The following SCLT1 variants were observed in gnomAD, a reference collection of about 807,000 sequenced individuals.
The protein encoded by SCLT1 is sodium channel-associated protein 1.
In SCLT1, 78 loss-of-function variants were observed where a neutral mutation model predicts 112.8. That is an observed-to-expected ratio of 0.69 (90% CI 0.58 to 0.83). SCLT1 has a LOEUF of 0.83. Ranked by LOEUF, SCLT1 falls within the 40% of genes least tolerant of loss-of-function variation. The pLI is 0.00. For synonymous variants in SCLT1, 257 were observed against 254.7 expected (o/e 1.01, Z -0.09); for missense variants, 747 against 770.4 (o/e 0.97, Z 0.36).
At chr4:128,920,122 G>C (rs1405323834) in intron 18 of SCLT1, among the ~76,000 whole-genome samples, 1 of 152,090 alleles carries the variant, frequency 6.6e-6, no homozygotes, top group East Asian at 1.9e-4. Flanking sequence ...CAATATTCCT[G>C]ATGATCATAG....
intron 10 of SCLT1, among the ~76,000 whole-genome samples, 176 bp downstream of exon 10, chr4:128,970,202 C>A (rs962946836): frequency 5.3e-5 from 8 of 152,158 alleles, no homozygotes; most frequent in Admixed American, 2.0e-4. Flanking sequence ...ATAAAAAATT[C>A]TTTATAAAGT....
At chr4:128,906,053 T>TA (rs769937606) in intron 18 of SCLT1, among the ~76,000 whole-genome samples, 3 of 152,206 alleles carry the variant, frequency 2.0e-5, no homozygotes, top group Non-Finnish European at 4.4e-5. Flanking sequence ...TGTTTTTTTT[T>TA]AGCCTATGCA....
intron 5 of SCLT1, among the ~76,000 whole-genome samples, chr4:129,018,620 T>C (rs172168): frequency 0.57 from 87,290 of 152,034 alleles, 28,459 homozygotes; most frequent in Non-Finnish European, 0.73. Flanking sequence ...GTTAAACATA[T>C]ATAGTTTATG....
At chr4:128,883,163 A>G (rs577189783), downstream of SCLT1, among the ~76,000 whole-genome samples, 1 of 150,682 alleles carries the variant, frequency 6.6e-6, no homozygotes, top group African/African-American at 2.4e-5. Context: ...ACAACAAAAA[A>G]AAAAAAAAAA....
At chr4:128,906,376 T>A (rs545451285) in intron 18 of SCLT1, among the ~76,000 whole-genome samples, 64 of 152,192 alleles carry the variant, frequency 4.2e-4, no homozygotes, top group Admixed American at 9.2e-4. Flanking sequence ...TTTTTTCTAT[T>A]TTTAGTAGAG....
chr4:129,052,499 AT>A (rs1397913251), intron 2 of SCLT1, among the ~76,000 whole-genome samples: 2,324 of 146,274 alleles, frequency 0.016, 45 homozygotes, highest in African/African-American at 0.048. Flanking sequence ...TAGATTTTCA[AT>A]TTTTTTTTTT....
At chr4:128,947,738 G>C (rs1272053646) in intron 15 of SCLT1, among the ~76,000 whole-genome samples, 1 of 152,102 alleles carries the variant, frequency 6.6e-6, no homozygotes, top group African/African-American at 2.4e-5. Flanking sequence ...TTAAACTATG[G>C]AGTTCTCCCT....
chr4:128,984,669 C>A (rs1458520973), intron 9 of SCLT1, among the ~76,000 whole-genome samples: 1 of 152,038 alleles, frequency 6.6e-6, no homozygotes, highest in East Asian at 1.9e-4. Flanking sequence ...AGGATCTCTA[C>A]CTTCTAATTT....
chr4:129,063,706 A>G (rs1314198941), intron 2 of SCLT1, among the ~76,000 whole-genome samples: 1 of 152,200 alleles, frequency 6.6e-6, no homozygotes, highest in African/African-American at 2.4e-5. Flanking sequence ...AGTGGTTAGT[A>G]GGATACACAG....
chr4:129,093,292 G>A lies in SCLT1; in HGVS notation c.-189C>T, dbSNP rs1753022881. 6 of 618,774 alleles carry A rather than the reference G, an allele frequency of 9.7e-6. No homozygotes were observed. Among genetic ancestry groups the A allele is most frequent in the East Asian group, 8.2e-5 (3 of 36,542 alleles). The allele number at this position is 618,774 out of a possible 1,614,324, so 38.3% of individuals were successfully genotyped here. Reference sequence around the variant, plus strand: ...CGCTTCTTTCCCCCGCGCCCCAGACGAGTCCCTGGCCCTGGTGAGAGACTG... The same window carrying A: ...CGCTTCTTTCCCCCGCGCCCCAGACAAGTCCCTGGCCCTGGTGAGAGACTG... On this transcript the variant is annotated 5_prime_UTR_variant, in exon 1 of 21. Coordinates refer to ENST00000281142, the MANE Select transcript of SCLT1 (RefSeq NM_144643.4).
intron 17 of SCLT1, among the ~76,000 whole-genome samples, chr4:128,938,264 CA>C (rs1156479568): frequency 2.0e-5 from 3 of 152,246 alleles, no homozygotes; most frequent in Admixed American, 6.5e-5. Flanking sequence ...TTTAGTGTGT[CA>C]AAAAACACAA....
intron 18 of SCLT1, among the ~76,000 whole-genome samples, chr4:128,898,989 C>G (rs1207182443): frequency 6.6e-6 from 1 of 152,176 alleles, no homozygotes; most frequent in East Asian, 1.9e-4. Context: ...AGCTGATTCT[C>G]TGAATAGACC....
intron 18 of SCLT1, among the ~76,000 whole-genome samples, chr4:128,904,647 T>G (rs1022940909): frequency 6.6e-6 from 1 of 152,146 alleles, no homozygotes; most frequent in African/African-American, 2.4e-5. Flanking sequence ...GTTTCCCACT[T>G]AAGTCCAATC....
rs185112578 is a variant in SCLT1, at chr4:129,013,256, C to T, written c.291-9380G>A. On this transcript the variant is annotated intron_variant, in intron 5 of 20. Transcript: ENST00000281142. ...AACACGCGGTATTTGGTTTTCTGTTCCTGCGTTAGTTTGCTAAGGTTGTGC... is the reference window on the plus strand; with the variant it reads ...AACACGCGGTATTTGGTTTTCTGTTTCTGCGTTAGTTTGCTAAGGTTGTGC... Among the ~76,000 whole-genome samples the T allele has an allele frequency of 1.2e-3, 180 of 152,188 alleles. 2 individuals carry two copies. The highest frequency in any genetic ancestry group is 0.01 in the Admixed American group (156 of 15,276).
chr4:128,968,028 G>A (rs1304272865), intron 10 of SCLT1, among the ~76,000 whole-genome samples: 3 of 151,998 alleles, frequency 2.0e-5, no homozygotes, highest in Non-Finnish European at 4.4e-5. Flanking sequence ...CTACTTTCAG[G>A]TATTCTCTTC....
At chr4:128,960,416 T>C (rs1377199938) in intron 11 of SCLT1, among the ~76,000 whole-genome samples, 1 of 152,164 alleles carries the variant, frequency 6.6e-6, no homozygotes, top group Admixed American at 6.5e-5. Flanking sequence ...TCCAATAATA[T>C]AGAAATCTCA....
chr4:128,969,577 T>C (rs1374715022), intron 10 of SCLT1, among the ~76,000 whole-genome samples: 1 of 151,678 alleles, frequency 6.6e-6, no homozygotes, highest in East Asian at 1.9e-4. Context: ...GACTCAAAAA[T>C]AAAATAAAAT....
At chr4:129,077,829 C>T (rs1197566793) in intron 2 of SCLT1, among the ~76,000 whole-genome samples, 5 of 151,854 alleles carry the variant, frequency 3.3e-5, no homozygotes, top group South Asian at 2.1e-4. Context: ...TTTCAGAAAC[C>T]GAAGTAATAT....
intron 5 of SCLT1, among the ~76,000 whole-genome samples, chr4:129,031,146 G>A (rs1372009980): frequency 6.6e-6 from 1 of 151,874 alleles, no homozygotes; most frequent in African/African-American, 2.4e-5. Context: ...TAGGATACAA[G>A]GCTGGTTCAA....
Sources: allele counts gnomAD v4.1 joint callset (sites outside exome capture counted in the v4.1 genomes callset), GRCh38; gene constraint gnomAD v4.1.1; transcripts MANE v1.5; gene names NCBI Gene and HGNC (gene_info 2026-07-23, HGNC 2026-07-21).